Variants in IL1RAPL1 observed in about 807,000 individuals in gnomAD.
The protein encoded by IL1RAPL1 is interleukin-1 receptor accessory protein-like 1.
IL1RAPL1 carries 3 observed loss-of-function variants against 48.4 expected under a neutral mutation model. The observed-to-expected ratio is 0.06, with a 90% CI of 0.03 to 0.16. The LOEUF (loss-of-function observed/expected upper bound fraction) is 0.16, where lower values mean the gene tolerates loss of function less well. Among genes scored for constraint, IL1RAPL1 ranks in the 10% least tolerant of loss-of-function variants. The pLI, the probability that IL1RAPL1 is intolerant of heterozygous loss-of-function variation, is 1.00. For synonymous variants in IL1RAPL1, 185 were observed against 187.7 expected (o/e 0.99, Z 0.12); for missense variants, 349 against 530.6 (o/e 0.66, Z 3.36).
intron 5 of IL1RAPL1, among the ~76,000 whole-genome samples, chrX:29,495,625 G>A (rs1200292499): frequency 9.0e-6 from 1 of 111,234 alleles, no homozygotes; most frequent in East Asian, 2.8e-4. Context: ...ATAACCCAGT[G>A]ATCACTATTG....
intron 3 of IL1RAPL1, among the ~76,000 whole-genome samples, chrX:29,337,460 A>G (rs1030680944): frequency 5.4e-5 from 6 of 111,616 alleles, no homozygotes; most frequent in East Asian, 2.8e-4. Flanking sequence ...GTGAGGAAAT[A>G]TAGTACTAGC....
At chrX:29,903,000 C>T (rs189443376) in intron 6 of IL1RAPL1, among the ~76,000 whole-genome samples, 49 of 111,188 alleles carry the variant, frequency 4.4e-4, no homozygotes, top group Middle Eastern at 4.7e-3. Context: ...ATAACGTACC[C>T]CTTTCATTAC....
chrX:28,706,636 A>G (rs1430347921), intron 1 of IL1RAPL1, among the ~76,000 whole-genome samples: 1 of 110,023 alleles, frequency 9.1e-6, no homozygotes, highest in Non-Finnish European at 1.9e-5. Flanking sequence ...CTGGTCTCGG[A>G]CTCCTGACCT....
chrX:28,605,720 A>C (rs765253652), intron 1 of IL1RAPL1, among the ~76,000 whole-genome samples: 2 of 111,848 alleles, frequency 1.8e-5, no homozygotes, highest in African/African-American at 6.5e-5. Flanking sequence ...TAAAGTTCTT[A>C]TAATGGCCTA....
chrX:29,869,870 G>A (rs1394125750), intron 6 of IL1RAPL1, among the ~76,000 whole-genome samples: 1 of 110,409 alleles, frequency 9.1e-6, no homozygotes, highest in East Asian at 2.9e-4. Flanking sequence ...AAGCAGAAGA[G>A]TTGGAGCATC....
intron 2 of IL1RAPL1, among the ~76,000 whole-genome samples, chrX:29,119,183 A>G (rs908626080): frequency 1.3e-4 from 14 of 111,267 alleles, no homozygotes; most frequent in African/African-American, 4.6e-4. Flanking sequence ...AGATGTAAGG[A>G]TGTATAAAAT....
intron 2 of IL1RAPL1, among the ~76,000 whole-genome samples, chrX:29,135,338 T>A (rs1929102544): frequency 8.9e-6 from 1 of 112,155 alleles, no homozygotes; most frequent in Non-Finnish European, 1.9e-5. Flanking sequence ...TGTAAATAAG[T>A]AGAACCTCCA....
chrX:29,380,377 G>A (rs1275920534), intron 3 of IL1RAPL1, among the ~76,000 whole-genome samples: 8 of 111,991 alleles, frequency 7.1e-5, no homozygotes, highest in Admixed American at 9.4e-5. Flanking sequence ...ACAGGCATGC[G>A]TCACCACGCC....
At chrX:29,716,191 G>A (rs965856051) in intron 6 of IL1RAPL1, among the ~76,000 whole-genome samples, 6 of 111,348 alleles carry the variant, frequency 5.4e-5, no homozygotes, top group African/African-American at 1.6e-4. Flanking sequence ...GAGATGGAAT[G>A]TCCCTTCAAA....
At chrX:28,838,817 G>A (rs1003551846) in intron 2 of IL1RAPL1, among the ~76,000 whole-genome samples, 7 of 110,819 alleles carry the variant, frequency 6.3e-5, no homozygotes, top group African/African-American at 2.0e-4. Context: ...TTTATTATAT[G>A]CTTGAATAAA....
At chrX:28,847,143 T>A (rs1245369559) in intron 2 of IL1RAPL1, among the ~76,000 whole-genome samples, 2 of 111,425 alleles carry the variant, frequency 1.8e-5, no homozygotes, top group Admixed American at 1.9e-4. Flanking sequence ...CTTTATCCTT[T>A]CAGATGATCA....
chrX:29,088,829 G>A (rs780341204), intron 2 of IL1RAPL1, among the ~76,000 whole-genome samples: 14 of 110,636 alleles, frequency 1.3e-4, no homozygotes, highest in Non-Finnish European at 2.3e-4. Flanking sequence ...TATATTTAAT[G>A]CAAAAAAGAA....
At chrX:28,703,826 A>G (rs1935329830) in intron 1 of IL1RAPL1, among the ~76,000 whole-genome samples, 1 of 111,822 alleles carries the variant, frequency 8.9e-6, no homozygotes, top group African/African-American at 3.2e-5. Context: ...TTTGTCTACT[A>G]CATGAATACA....
intron 2 of IL1RAPL1, among the ~76,000 whole-genome samples, chrX:29,011,716 G>C (rs141884603): frequency 8.9e-6 from 1 of 112,128 alleles, no homozygotes; most frequent in African/African-American, 3.2e-5. Flanking sequence ...GATTTCCTGG[G>C]TGTATACATA....
intron 2 of IL1RAPL1, among the ~76,000 whole-genome samples, chrX:29,046,258 A>G (rs1366092181): frequency 1.8e-5 from 2 of 110,061 alleles, no homozygotes; most frequent in African/African-American, 3.3e-5. Context: ...GGGCCTTACT[A>G]TGTTACCCAG....
intron 2 of IL1RAPL1, among the ~76,000 whole-genome samples, chrX:28,923,161 G>A (rs1923654568): frequency 2.7e-5 from 3 of 111,319 alleles, no homozygotes; most frequent in African/African-American, 9.8e-5. Context: ...CCTAAGATTT[G>A]TACGTTTCTT....
intron 5 of IL1RAPL1, among the ~76,000 whole-genome samples, chrX:29,589,937 G>C (rs889639281): frequency 3.6e-5 from 4 of 111,152 alleles, no homozygotes; most frequent in African/African-American, 1.3e-4. Flanking sequence ...GAAGGTGAAG[G>C]GGGAGCGGAC....
chrX:28,966,161 A>G (rs768718064), intron 2 of IL1RAPL1, among the ~76,000 whole-genome samples: 3 of 112,171 alleles, frequency 2.7e-5, no homozygotes, highest in African/African-American at 9.7e-5. Context: ...AGAATAAGCC[A>G]ATCTTTAGCA....
chrX:28,815,753 A>G (rs1291092551), intron 2 of IL1RAPL1, among the ~76,000 whole-genome samples: 3 of 96,126 alleles, frequency 3.1e-5, no homozygotes, highest in Admixed American at 1.2e-4. Context: ...GATGACTTCC[A>G]TTTCCATCCA....
Sources: gnomAD v4.1 joint callset for allele counts (sites outside exome capture counted in the v4.1 genomes callset) on GRCh38, gnomAD v4.1.1 for gene constraint, MANE v1.5 for transcripts, NCBI Gene and HGNC (gene_info 2026-07-23, HGNC 2026-07-21) for gene names.